The following RIC1 variants were observed in gnomAD, a reference collection of about 807,000 sequenced individuals.
The protein encoded by RIC1 is RIC1 partner of RAB6A GEF complex.
Under a neutral mutation model 169.0 loss-of-function variants are expected in RIC1, and 88 were observed. The observed-to-expected ratio is 0.52, with a 90% CI of 0.44 to 0.62. RIC1 has a LOEUF of 0.62. Among genes scored for constraint, RIC1 ranks in the 20% least tolerant of loss-of-function variants. RIC1 has a pLI of 0.00. For missense variants in RIC1, 1,877 were observed against 1,725.5 expected (o/e 1.09, Z -1.56); for synonymous variants, 790 against 601.5 (o/e 1.31, Z -4.59).
intron 2 of RIC1, among the ~76,000 whole-genome samples, chr9:5,680,105 G>A (rs1042987974): frequency 6.6e-6 from 1 of 152,136 alleles, no homozygotes; most frequent in Non-Finnish European, 1.5e-5. Flanking sequence ...TAATCATGTG[G>A]TTTTTGTCTT....
intron 1 of RIC1, among the ~76,000 whole-genome samples, chr9:5,650,720 AG>A (rs1818758278): frequency 6.6e-6 from 1 of 152,064 alleles, no homozygotes; most frequent in Non-Finnish European, 1.5e-5. Context: ...AGCAGGGTTT[AG>A]GCTCTCAGAA....
chr9:5,692,044 A>G (rs1821618500), intron 3 of RIC1, among the ~76,000 whole-genome samples: 1 of 151,994 alleles, frequency 6.6e-6, no homozygotes, highest in Non-Finnish European at 1.5e-5. Flanking sequence ...GCTGTGTTTG[A>G]CTCTATGTGT....
At chr9:5,709,446 G>C (rs1212635098) in intron 3 of RIC1, among the ~76,000 whole-genome samples, 4 of 152,160 alleles carry the variant, frequency 2.6e-5, no homozygotes, top group African/African-American at 9.7e-5. Flanking sequence ...TTGTGATCAA[G>C]AGCAAAGTTC....
chr9:5,707,293 T>A (rs1210875804), intron 3 of RIC1, among the ~76,000 whole-genome samples: 1 of 152,166 alleles, frequency 6.6e-6, no homozygotes, highest in Non-Finnish European at 1.5e-5. Flanking sequence ...TTTTTGTGGT[T>A]TAATATCCAT....
Position 5,654,816 on chromosome 9 carries a change from G to A in RIC1, c.145-1767G>A, listed in dbSNP as rs151237502. Among the ~76,000 whole-genome samples the A allele has an allele frequency of 5.9e-5, 9 of 152,348 alleles. No homozygotes were observed. In the East Asian group the frequency reaches 1.7e-3, roughly 29 times the overall value. ...GATCTGCCTGCCTTGGCCTTTCAAA[G>A]TGTAGGGATTACAGGCATGAGCTAC... On this transcript the variant is annotated intron_variant, in intron 1 of 25. Coordinates refer to ENST00000414202, the MANE Select transcript of RIC1 (RefSeq NM_020829.4).
chr9:5,648,132 G>A (rs529577069), intron 1 of RIC1, among the ~76,000 whole-genome samples: 2 of 151,878 alleles, frequency 1.3e-5, no homozygotes, highest in African/African-American at 2.4e-5. Context: ...ACAGGCGCCC[G>A]CCACCATACC....
chr9:5,663,392 T>C (rs148875084), intron 2 of RIC1, among the ~76,000 whole-genome samples: 2 of 152,298 alleles, frequency 1.3e-5, no homozygotes, highest in African/African-American at 4.8e-5. Flanking sequence ...TAATTTTCTG[T>C]CTTGGTGATC....
intron 12 of RIC1, among the ~76,000 whole-genome samples, chr9:5,750,890 ATAGTATCTT>A: frequency 6.6e-6 from 1 of 152,014 alleles, no homozygotes; most frequent in African/African-American, 2.4e-5. Context: ...GAGAAAATAC[ATAGTATCTT>A]TAGACACAAA....
chr9:5,647,328 T>C (rs1441547297), intron 1 of RIC1, among the ~76,000 whole-genome samples: 4 of 152,324 alleles, frequency 2.6e-5, no homozygotes, highest in Admixed American at 6.5e-5. Context: ...TAGGATGGAT[T>C]TTTCTGTTTC....
chr9:5,737,432 C>G (rs1024785703), intron 7 of RIC1, among the ~76,000 whole-genome samples: 82 of 152,214 alleles, frequency 5.4e-4, no homozygotes, highest in African/African-American at 1.9e-3. Flanking sequence ...CTGTTTACCC[C>G]TCTTCTTTGA....
At chr9:5,743,143 T>A (rs2130982549) in intron 9 of RIC1, 130 bp downstream of exon 9, 5 of 765,140 alleles carry the variant, frequency 6.5e-6, no homozygotes, top group African/African-American at 3.5e-5. Context: ...GCAAAGTTCA[T>A]AATCTGTTCG....
intron 3 of RIC1, among the ~76,000 whole-genome samples, chr9:5,697,227 C>G (rs1421387229): frequency 2.0e-5 from 3 of 152,198 alleles, no homozygotes; most frequent in Non-Finnish European, 4.4e-5. Context: ...ATCTTTTTCT[C>G]CTCAACTTAA....
At chr9:5,739,785 C>A (rs929049114) in intron 8 of RIC1, among the ~76,000 whole-genome samples, 10 of 152,124 alleles carry the variant, frequency 6.6e-5, no homozygotes, top group African/African-American at 1.2e-4. Context: ...AAAAGGTTCA[C>A]CAGAGTTTAC....
intron 3 of RIC1, among the ~76,000 whole-genome samples, chr9:5,700,984 C>A (rs1279888800): frequency 6.6e-6 from 1 of 152,156 alleles, no homozygotes; most frequent in Non-Finnish European, 1.5e-5. Flanking sequence ...GCTTTTAGTT[C>A]AGATTCTTCT....
intron 6 of RIC1, among the ~76,000 whole-genome samples, chr9:5,727,688 T>G (rs1824084691): frequency 6.6e-6 from 1 of 152,208 alleles, no homozygotes; most frequent in Non-Finnish European, 1.5e-5. Flanking sequence ...CTGCCTTTAG[T>G]CTTTGATGAT....
At chr9:5,740,417 T>C (rs998891302) in intron 8 of RIC1, among the ~76,000 whole-genome samples, 10 of 152,036 alleles carry the variant, frequency 6.6e-5, no homozygotes, top group African/African-American at 2.4e-4. Flanking sequence ...GGTACCAATA[T>C]CTGTATTAGT....
chr9:5,680,458 A>G (rs564082102), intron 2 of RIC1, among the ~76,000 whole-genome samples: 288 of 152,258 alleles, frequency 1.9e-3, no homozygotes, highest in African/African-American at 6.4e-3. Flanking sequence ...TCAGCTGTGA[A>G]TCCATCTGGT....
Position 5,720,229 on chromosome 9 carries a change from T to G in RIC1, c.488T>G (p.Leu163Arg). 1.2e-6 allele frequency: 2 copies of G among 1,613,102 alleles called. No homozygotes were observed. The highest frequency in any genetic ancestry group is 1.7e-6 in the Non-Finnish European group (2 of 1,179,020). ...EDLLVATSDG[L>R]LHLIHWEGMT... ...CTCCTGGTTGCTACTTCTGATGGAC[T>G]TCTTCATCTTATTCACTGGGAAGGA... The change falls in exon 5 of 26, where the codon CTT (leucine) becomes CGT (arginine). Residue 163 changes from leucine (L) to arginine (R), a missense_variant. This residue lies in a region of RIC1 where 1,104 missense variants were observed against 992.0 expected (regional missense o/e 1.11). Coordinates refer to ENST00000414202, the MANE Select transcript of RIC1 (RefSeq NM_020829.4).
Position 5,711,703 on chromosome 9 carries a change from C to G in RIC1, c.333-2193C>G, listed in dbSNP as rs112119278. On this transcript the variant is annotated intron_variant, in intron 3 of 25. Transcript: ENST00000414202. ...AACTCGTCATTTACATTAGGTATAT[C>G]TCCTAATGCTATCCCTCCCTGCTGC... Among the ~76,000 whole-genome samples, 8 of 152,182 alleles carry G rather than the reference C, an allele frequency of 5.3e-5. 1 individual carries two copies. The highest frequency in any genetic ancestry group is 1.9e-4 in the African/African-American group (8 of 41,522).
Sources: allele counts gnomAD v4.1 joint callset (sites outside exome capture counted in the v4.1 genomes callset), GRCh38; gene constraint gnomAD v4.1.1; regional missense constraint gnomAD v4.1.1; transcripts MANE v1.5; gene names NCBI Gene and HGNC (gene_info 2026-07-23, HGNC 2026-07-21).